TTLL11: variants seen among roughly 807,000 people sequenced by gnomAD.
TTLL11 encodes the protein tubulin tyrosine ligase like 11.
Under a neutral mutation model 51.7 loss-of-function variants are expected in TTLL11, and 42 were observed. The observed-to-expected ratio is 0.81, with a 90% CI of 0.64 to 1.05. TTLL11 has a LOEUF of 1.05. Ranked by LOEUF, TTLL11 falls within the 50% of genes least tolerant of loss-of-function variation. TTLL11 has a pLI of 0.00. For missense variants in TTLL11, 799 were observed against 940.4 expected (o/e 0.85, Z 1.97); for synonymous variants, 381 against 383.5 (o/e 0.99, Z 0.08).
chr9:121,984,044 C>T (rs544063228), intron 4 of TTLL11, among the ~76,000 whole-genome samples: 1 of 152,142 alleles, frequency 6.6e-6, no homozygotes, highest in Non-Finnish European at 1.5e-5. Flanking sequence ...GCCAGGTCAG[C>T]CGAGACAGAA....
intron 3 of TTLL11, among the ~76,000 whole-genome samples, chr9:122,002,414 C>T (rs1843495465): frequency 2.0e-5 from 3 of 152,316 alleles, no homozygotes; most frequent in South Asian, 2.1e-4. Flanking sequence ...CTCTGGACAA[C>T]ACCTGGGCTC....
At chr9:122,051,102 G>A (rs1845143075) in intron 1 of TTLL11, among the ~76,000 whole-genome samples, 1 of 152,080 alleles carries the variant, frequency 6.6e-6, no homozygotes. Flanking sequence ...GAGAATGAAG[G>A]AATTTAAGAT....
chr9:121,854,171 T>G (rs1445476365), intron 8 of TTLL11, among the ~76,000 whole-genome samples: 1 of 152,164 alleles, frequency 6.6e-6, no homozygotes, highest in African/African-American at 2.4e-5. Context: ...CCAGTTTGTC[T>G]GATTCTGGAG....
At chr9:121,928,636 G>T (rs150422691) in intron 6 of TTLL11, among the ~76,000 whole-genome samples, 11,717 of 151,812 alleles carry the variant, frequency 0.077, 662 homozygotes, top group African/African-American at 0.16. Context: ...AGACAGGGTT[G>T]CACCATGTTG....
At chr9:122,024,568 C>T (rs1212466365) in intron 3 of TTLL11, among the ~76,000 whole-genome samples, 1 of 152,122 alleles carries the variant, frequency 6.6e-6, no homozygotes. Context: ...GAGGTTTTGG[C>T]AGAAAGAGAG....
At chr9:122,006,740 T>C (rs1843658271) in intron 3 of TTLL11, among the ~76,000 whole-genome samples, 2 of 152,120 alleles carry the variant, frequency 1.3e-5, no homozygotes. Context: ...ATCCCAGCAC[T>C]TTGGGAGGCC....
intron 8 of TTLL11, among the ~76,000 whole-genome samples, chr9:121,857,302 C>A (rs1837856788): frequency 6.6e-6 from 1 of 152,188 alleles, no homozygotes; most frequent in Non-Finnish European, 1.5e-5. Context: ...CCAGCCCTGC[C>A]CCCTCTGTAT....
At chr9:121,982,881 G>A (rs1045423132) in intron 4 of TTLL11, among the ~76,000 whole-genome samples, 4 of 152,180 alleles carry the variant, frequency 2.6e-5, no homozygotes, top group Admixed American at 1.3e-4. Flanking sequence ...GGCAGATGGC[G>A]CTGCATCTTG....
chr9:122,001,276 A>G (rs1015970254), intron 3 of TTLL11, among the ~76,000 whole-genome samples: 1 of 152,046 alleles, frequency 6.6e-6, no homozygotes, highest in East Asian at 1.9e-4. Flanking sequence ...TTGTATTTTT[A>G]GTAGAGACGG....
chr9:121,833,048 C>T (rs1004435433), intron 8 of TTLL11, among the ~76,000 whole-genome samples: 2 of 152,066 alleles, frequency 1.3e-5, no homozygotes, highest in African/African-American at 2.4e-5. Context: ...GGCCTTGCAG[C>T]GAATGAGGGA....
In TTLL11 at chr9:121,989,291, G is replaced by A. The variant is rs149659494; in HGVS notation, c.1173C>T (p.Ser391=). ...DIKKVWSDII[S]VVIKTVIALT... ...GCGCGATGACCGTCTTAATCACCACGGAGATGATGTCAGACCAGACCTTCT... is the reference window on the plus strand; with the variant it reads ...GCGCGATGACCGTCTTAATCACCACAGAGATGATGTCAGACCAGACCTTCT... Residue 391 remains serine, a synonymous_variant, in exon 4 of 9, where the codon TCC becomes TCT. Transcript: ENST00000321582. This position sits in a 1 kb window ranked among gnomAD's most constrained non-coding sequence, Gnocchi z 4.2. The A allele has an allele frequency of 6.0e-5, 97 of 1,614,156 alleles. No individual in the cohort carries two copies. In the African/African-American group the frequency reaches 1.2e-3, roughly 20 times the overall value.
At chr9:122,019,502 T>C (rs1054478703) in intron 3 of TTLL11, among the ~76,000 whole-genome samples, 6 of 152,216 alleles carry the variant, frequency 3.9e-5, no homozygotes, top group African/African-American at 1.4e-4. Context: ...CAGACTGGAA[T>C]GCAGTGGCAT....
At chr9:121,854,522 G>T (rs1443904679) in intron 8 of TTLL11, among the ~76,000 whole-genome samples, 1 of 152,180 alleles carries the variant, frequency 6.6e-6, no homozygotes, top group Non-Finnish European at 1.5e-5. Context: ...AGTAAACAAA[G>T]TTCAGAAGCC....
chr9:121,930,110 G>A (rs1840908580), intron 6 of TTLL11, among the ~76,000 whole-genome samples: 1 of 152,196 alleles, frequency 6.6e-6, no homozygotes, highest in Non-Finnish European at 1.5e-5. Flanking sequence ...CCTTAAAGAT[G>A]ACCCAATCAA....
At chr9:122,061,258 A>G (rs942306148) in intron 1 of TTLL11, among the ~76,000 whole-genome samples, 4 of 152,228 alleles carry the variant, frequency 2.6e-5, no homozygotes, top group African/African-American at 9.6e-5. Context: ...CTTTAATTAC[A>G]TCTGCAAAGA....
intron 1 of TTLL11, among the ~76,000 whole-genome samples, chr9:122,041,622 G>C (rs1352370084): frequency 6.6e-6 from 1 of 152,118 alleles, no homozygotes; most frequent in East Asian, 1.9e-4. Flanking sequence ...TTTCATACAT[G>C]ATGAGGAGCA....
chr9:122,011,440 CATGTGATGT>C (rs1178944252), intron 3 of TTLL11, among the ~76,000 whole-genome samples: 1 of 152,054 alleles, frequency 6.6e-6, no homozygotes, highest in African/African-American at 2.4e-5. Context: ...ATAGCCAGAG[CATGTGATGT>C]ATGCCCCATA....
intron 6 of TTLL11, among the ~76,000 whole-genome samples, chr9:121,911,190 G>T (rs1824053605): frequency 6.6e-6 from 1 of 152,186 alleles, no homozygotes; most frequent in African/African-American, 2.4e-5. Flanking sequence ...GAGGTCAGGA[G>T]TTCGAGACCA....
chr9:121,925,541 C>T (rs1840698395), intron 6 of TTLL11, among the ~76,000 whole-genome samples: 1 of 151,902 alleles, frequency 6.6e-6, no homozygotes, highest in South Asian at 2.1e-4. Context: ...CTCTCCTCTT[C>T]CTCAAATGAG....
Sources: allele counts gnomAD v4.1 joint callset (sites outside exome capture counted in the v4.1 genomes callset), GRCh38; gene constraint gnomAD v4.1.1; non-coding constraint Gnocchi (gnomAD v3.1); transcripts MANE v1.5; gene names NCBI Gene and HGNC (gene_info 2026-07-23, HGNC 2026-07-21).